AK9: variants seen among roughly 807,000 people sequenced by gnomAD.
AK9 encodes the protein adenylate kinase 9, also known as adenylate kinase domain containing 1.
AK9 carries 191 observed loss-of-function variants against 239.6 expected under a neutral mutation model. The ratio of observed to expected loss-of-function variants is 0.80; its 90% CI spans 0.71 to 0.90. AK9 has a LOEUF of 0.90. Among genes scored for constraint, AK9 ranks in the 40% least tolerant of loss-of-function variants. The pLI, the probability that AK9 is intolerant of heterozygous loss-of-function variation, is 0.00. For missense variants in AK9, 1,995 were observed against 2,214.7 expected (o/e 0.90, Z 1.99); for synonymous variants, 689 against 721.0 (o/e 0.96, Z 0.71).
At chr6:109,617,863 G>C (rs936250134) in intron 13 of AK9, among the ~76,000 whole-genome samples, 2 of 152,108 alleles carry the variant, frequency 1.3e-5, no homozygotes, top group African/African-American at 4.8e-5. Flanking sequence ...CAGTAAAGAA[G>C]AGCACATTTA....
chr6:109,623,158 TTTA>T (rs1795082310), intron 12 of AK9, among the ~76,000 whole-genome samples: 6 of 152,170 alleles, frequency 3.9e-5, no homozygotes, highest in Admixed American at 2.6e-4. Context: ...GATTTGTCTT[TTTA>T]TATTTTAAAA....
chr6:109,494,939 T>C (rs1363452875), intron 39 of AK9, among the ~76,000 whole-genome samples: 1 of 152,234 alleles, frequency 6.6e-6, no homozygotes, highest in Non-Finnish European at 1.5e-5. Flanking sequence ...AATATGGGCT[T>C]TTTGGTCTGG....
intron 26 of AK9, among the ~76,000 whole-genome samples, chr6:109,543,320 C>T (rs1191061627): frequency 6.6e-6 from 1 of 152,126 alleles, no homozygotes; most frequent in Non-Finnish European, 1.5e-5. Flanking sequence ...AATAAAATCC[C>T]TTAATTGCTT....
Position 109,632,860 on chromosome 6 carries a change from G to GATAGAT in AK9, c.1254+62_1254+63insATCTAT, listed in dbSNP as rs753404584. 5.7e-5 allele frequency: 48 copies of GATAGAT among 846,800 alleles called. No individual in the cohort carries two copies. The African/African-American group carries it at 1.0e-3, about 18-fold the overall frequency. The allele number at this position is 846,800 out of a possible 1,614,324, so 52.5% of individuals were successfully genotyped here. On this transcript the variant is annotated intron_variant, in intron 12 of 40. Transcript: ENST00000424296. ...ATCGAGTATAGATACATGACAGATAGACATAGATAGATAGATAGATAGATA... is the reference window on the plus strand; with the variant it reads ...ATCGAGTATAGATACATGACAGATAGATAGATACATAGATAGATAGATAGATAGATA...
At chr6:109,526,033 G>A (rs375118550) in intron 29 of AK9, among the ~76,000 whole-genome samples, 113 of 152,216 alleles carry the variant, frequency 7.4e-4, no homozygotes, top group South Asian at 1.9e-3. Flanking sequence ...AGTTAACACA[G>A]GAACAGAAAA....
At chr6:109,507,202 G>A (rs1192287687) in intron 33 of AK9, among the ~76,000 whole-genome samples, 1 of 152,178 alleles carries the variant, frequency 6.6e-6, no homozygotes, top group African/African-American at 2.4e-5. Flanking sequence ...AACCTGGTTT[G>A]AACTTTCTAA....
At chr6:109,623,855 A>G (rs1350979250) in intron 12 of AK9, among the ~76,000 whole-genome samples, 4 of 136,834 alleles carry the variant, frequency 2.9e-5, no homozygotes, top group African/African-American at 1.1e-4. Context: ...ACTAGTTAGG[A>G]ATCTTAGACA....
chr6:109,671,759 CA>C (rs1191639993), intron 5 of AK9, among the ~76,000 whole-genome samples, 159 bp downstream of exon 5: 1 of 152,120 alleles, frequency 6.6e-6, no homozygotes, highest in Non-Finnish European at 1.5e-5. Context: ...GAAATAAAAA[CA>C]AGCAAATAAA....
intron 9 of AK9, among the ~76,000 whole-genome samples, chr6:109,642,724 C>G (rs1414121298): frequency 6.6e-6 from 1 of 152,074 alleles, no homozygotes; most frequent in African/African-American, 2.4e-5. Context: ...AGGAGGGCAG[C>G]TGGCTGGGTG....
intron 17 of AK9, among the ~76,000 whole-genome samples, chr6:109,605,844 G>A (rs1792793484): frequency 6.6e-6 from 1 of 152,074 alleles, no homozygotes; most frequent in Admixed American, 6.6e-5. Context: ...TTCCTTAGTT[G>A]GGATAACTGT....
At chr6:109,558,161 T>G (rs1310437367) in intron 24 of AK9, among the ~76,000 whole-genome samples, 1 of 152,228 alleles carries the variant, frequency 6.6e-6, no homozygotes, top group African/African-American at 2.4e-5. Flanking sequence ...GATATGTGAT[T>G]TGTAAATATT....
Position 109,550,080 on chromosome 6 carries a change from A to G in AK9, c.2964+10T>C. ...TGGGAGCAATCATTAAGATAGGAAT[A>G]CTGTCTCACCTTCAATGGTTCTTCA... On this transcript the variant is annotated intron_variant, in intron 25 of 40. Transcript: ENST00000424296. 6 of 1,612,468 alleles carry G rather than the reference A, an allele frequency of 3.7e-6. No homozygotes were observed. Among genetic ancestry groups the G allele is most frequent in the Non-Finnish European group, 5.1e-6 (6 of 1,179,416 alleles).
At chr6:109,661,614 T>G (rs1307215919) in intron 6 of AK9, among the ~76,000 whole-genome samples, 7 of 152,248 alleles carry the variant, frequency 4.6e-5, no homozygotes, top group Admixed American at 6.5e-5. Context: ...CTCACAATTG[T>G]GATTGACCCC....
chr6:109,546,755 T>C (rs1387121853), intron 25 of AK9, among the ~76,000 whole-genome samples: 3 of 152,154 alleles, frequency 2.0e-5, no homozygotes, highest in Admixed American at 1.3e-4. Context: ...AAAATTAGAA[T>C]GACATGAAAT....
intron 39 of AK9, 142 bp from the exon 40 acceptor site, chr6:109,494,237 A>G (rs7773950): frequency 0.38 from 201,124 of 527,756 alleles, 39,842 homozygotes; most frequent in East Asian, 0.46. Flanking sequence ...ATATGGTTAG[A>G]TGACCAGTTA....
rs1226809494 is a variant in AK9, at chr6:109,509,321, G to T, written c.4339C>A (p.Arg1447Ser). The T allele has an allele frequency of 6.4e-7, 1 of 1,551,568 alleles. No individual in the cohort carries two copies. The highest frequency in any genetic ancestry group is 2.0e-5 in the Admixed American group (1 of 51,002). The change falls in exon 33 of 41, where the codon CGT becomes AGT. Residue 1447 changes from arginine (R) to serine (S), a missense_variant. By Grantham distance (110) the Arg-to-Ser change is moderately radical (BLOSUM62 -1). Transcript: ENST00000424296. ...LKHLSIGGAL[R>S]YVLNNHPETE... ...TCCGGGTGATTGTTTAGTACATAAC[G>T]CAAAGCTCCTCCTATTGATAAATGC...
chr6:109,610,598 C>G lies in AK9; in HGVS notation c.1694-85G>C, dbSNP rs1345813991. ...TGCAATAAAACATGATTGATAATAT[C>G]TGACCCAAGAAAGTATTATTTTCAT... On this transcript the variant is annotated intron_variant, in intron 16 of 40. Coordinates refer to ENST00000424296, the MANE Select transcript of AK9 (RefSeq NM_001145128.3). The G allele has an allele frequency of 7.4e-6, 10 of 1,347,964 alleles. No individual in the cohort carries two copies. The East Asian group carries it at 2.5e-4, about 34-fold the overall frequency. The allele number at this position is 1,347,964 out of a possible 1,614,324, so 83.5% of individuals were successfully genotyped here.
At chr6:109,636,754 A>ACACACACACACACACACACG (rs1796762134) in intron 10 of AK9, among the ~76,000 whole-genome samples, 1 of 149,616 alleles carries the variant, frequency 6.7e-6, no homozygotes. Flanking sequence ...ATTCCATCAC[A>ACACACACACACACACACACG]CACACACACA....
chr6:109,542,284 G>C, intron 26 of AK9, 113 bp from the exon 27 acceptor site: 2 of 1,020,988 alleles, frequency 2.0e-6, no homozygotes, highest in Non-Finnish European at 2.8e-6. Flanking sequence ...GTGGAGAGTA[G>C]AATGAAAGTT....
Sources: gnomAD v4.1 joint callset for allele counts (sites outside exome capture counted in the v4.1 genomes callset) on GRCh38, gnomAD v4.1.1 for gene constraint, MANE v1.5 for transcripts, NCBI Gene and HGNC (gene_info 2026-07-23, HGNC 2026-07-21) for gene names.